Variants in ZNF789 observed in about 807,000 individuals in gnomAD.
ZNF789 encodes the protein zinc finger protein 789.
Under a neutral mutation model 15.6 loss-of-function variants are expected in ZNF789, and 11 were observed. The ratio of observed to expected loss-of-function variants is 0.70; its 90% CI spans 0.44 to 1.16. ZNF789 has a LOEUF of 1.16. ZNF789 is among the 50% of genes most tolerant of loss of function. The pLI, the probability that ZNF789 is intolerant of heterozygous loss-of-function variation, is 0.00. For missense variants in ZNF789, 461 were observed against 512.6 expected (o/e 0.90, Z 0.97); for synonymous variants, 159 against 176.0 (o/e 0.90, Z 0.76).
At position 99,481,990 on chromosome 7, in the gene ZNF789, AC is replaced by A. The variant is rs1799656583; in HGVS notation, c.152-2038del. On this transcript the variant is annotated intron_variant, in intron 3 of 4. Coordinates refer to ENST00000331410, the MANE Select transcript of ZNF789 (RefSeq NM_213603.3). Reference sequence around the variant, plus strand: ...GAATCCCTTATCCAAAATGCTGGGGACCAAAAGTGTTTTGGATTTCGGATTT... The same window carrying A: ...GAATCCCTTATCCAAAATGCTGGGGACAAAAGTGTTTTGGATTTCGGATTT... The A allele has an allele frequency of 9.8e-6, 6 of 609,272 alleles. No homozygotes were observed. The South Asian group carries it at 1.2e-4, about 12-fold the overall frequency. 37.7% of individuals were successfully genotyped at this position (609,272 alleles called of 1,614,324 possible).
Position 99,478,369 on chromosome 7 carries a change from C to T in ZNF789, c.25-1292C>T, listed in dbSNP as rs1220636060. The T allele has an allele frequency of 3.9e-6, 5 of 1,289,468 alleles. No individual in the cohort carries two copies. The East Asian group carries it at 2.8e-4, about 72-fold the overall frequency. The allele number at this position is 1,289,468 out of a possible 1,614,324, so 79.9% of individuals were successfully genotyped here. A position where few individuals can be genotyped will look rare whatever the true frequency, so the allele number is the denominator to read the frequency against. ...ACTCTGGATAATGGTGAGAAAGGGCCTGCAACCGTAGCAGTGGAACTCAGG... is the reference window on the plus strand; with the variant it reads ...ACTCTGGATAATGGTGAGAAAGGGCTTGCAACCGTAGCAGTGGAACTCAGG... On this transcript the variant is annotated intron_variant, in intron 2 of 4. Coordinates refer to ENST00000331410, the MANE Select transcript of ZNF789 (RefSeq NM_213603.3).
chr7:99,476,280 C>G, intron 1 of ZNF789, 123 bp from the exon 2 acceptor site: 1 of 596,746 alleles, frequency 1.7e-6, no homozygotes, highest in East Asian at 3.2e-5. Flanking sequence ...TGTTCCAACA[C>G]CAAACACAGG....
At chr7:99,482,934 T>C (rs1337669632) in intron 3 of ZNF789, among the ~76,000 whole-genome samples, 1 of 152,106 alleles carries the variant, frequency 6.6e-6, no homozygotes, top group Non-Finnish European at 1.5e-5. Flanking sequence ...GTTTTCCTAT[T>C]TTAATAAATA....
chr7:99,483,731 A>G, intron 3 of ZNF789: 2 of 781,062 alleles, frequency 2.6e-6, no homozygotes, highest in South Asian at 2.7e-5. Flanking sequence ...TTCCCTTTTG[A>G]TATTCAGTTT....
In ZNF789 at chr7:99,473,002, G is replaced by A; in HGVS notation, c.-109G>A. On this transcript the variant is annotated 5_prime_UTR_variant, in exon 1 of 5. Transcript: ENST00000331410. ...CGGGTCAGGCCCGGGAACCCCGAGAGGAGAGCCCAGCCCCTGGTGGAGGCG... is the reference window on the plus strand; with the variant it reads ...CGGGTCAGGCCCGGGAACCCCGAGAAGAGAGCCCAGCCCCTGGTGGAGGCG... The A allele has an allele frequency of 6.6e-6, 1 of 152,532 alleles. No homozygotes were observed. Among genetic ancestry groups the A allele is most frequent in the Non-Finnish European group, 1.5e-5 (1 of 68,188 alleles). The allele number at this position is 152,532 out of a possible 1,614,324, so 9.4% of individuals were successfully genotyped here.
In ZNF789 at chr7:99,487,410, CAT is replaced by C. The variant is rs759415358; in HGVS notation, c.1203_1204del (p.Ile401MetfsTer13). On this transcript the variant is annotated frameshift_variant, in exon 5 of 5. Transcript: ENST00000331410. LOFTEE classifies it low-confidence loss of function (END_TRUNC). ...HTGSQPYQCVICGKSFKWHTS... is the reference protein window; with the variant it reads ...HTGSQPYQCVXCGKSFKWHTS... Reference sequence around the variant, plus strand: ...CTGGAAGCCAACCCTACCAATGTGTCATATGTGGAAAATCTTTCAAGTGGCAC... The same window carrying C: ...CTGGAAGCCAACCCTACCAATGTGTCATGTGGAAAATCTTTCAAGTGGCAC... 17 of 1,614,084 alleles carry C rather than the reference CAT, an allele frequency of 1.1e-5. No homozygotes were observed. The highest frequency in any genetic ancestry group is 4.0e-5 in the African/African-American group (3 of 74,932).
chr7:99,475,310 G>A (rs1346976689), intron 1 of ZNF789, among the ~76,000 whole-genome samples: 4 of 151,900 alleles, frequency 2.6e-5, no homozygotes, highest in East Asian at 1.9e-4. Context: ...CAGGAGAATC[G>A]CTTGAACCCA....
rs75593529 is a variant in ZNF789, at chr7:99,487,480, T to C, written c.1270T>C (p.Ser424Pro). 14,876 of 1,609,296 alleles carry C rather than the reference T, an allele frequency of 9.2e-3. 75 individuals are homozygous for C. Among genetic ancestry groups the C allele is most frequent in the Middle Eastern group, 0.013 (79 of 6,042 alleles). ...KHQGTHKGQIST is the reference protein window; with the variant it reads ...KHQGTHKGQIPT ...CCAGGGCACTCACAAAGGACAGATA[T>C]CCACATGATGTTAATTGGAAAGCAG... Residue 424 changes from serine to proline, a missense_variant, in exon 5 of 5, where the codon TCC (serine) becomes CCC (proline). Ser to Pro is a moderately conservative substitution (Grantham distance 74, BLOSUM62 -1). Coordinates refer to ENST00000331410, the MANE Select transcript of ZNF789 (RefSeq NM_213603.3).
Position 99,484,050 on chromosome 7 carries a change from G to A in ZNF789, c.172G>A (p.Glu58Lys), listed in dbSNP as rs753746104. The change falls in exon 4 of 5, where the codon GAG becomes AAG. Residue 58 changes from glutamate to lysine, a missense_variant. Glu to Lys is a moderately conservative substitution (Grantham distance 56). Transcript: ENST00000331410. ...AGTAGGATTTCAGTTTCCCAAACCTGAGATGATCTGTCAGCTGGAGAACTG... is the reference window on the plus strand; with the variant it reads ...AGTAGGATTTCAGTTTCCCAAACCTAAGATGATCTGTCAGCTGGAGAACTG... Reference protein sequence around the residue: ...VLLGFQFPKPEMICQLENWDE... With the variant: ...VLLGFQFPKPKMICQLENWDE... 20 of 1,613,976 alleles carry A rather than the reference G, an allele frequency of 1.2e-5. No individual in the cohort carries two copies. The South Asian group carries it at 2.1e-4, about 17-fold the overall frequency.
intron 3 of ZNF789, chr7:99,480,858 CT>C: frequency 6.6e-6 from 1 of 152,332 alleles, no homozygotes; most frequent in East Asian, 1.9e-4. Context: ...ATGTTTAACC[CT>C]TGCACTGACA....
chr7:99,487,539 T>TC lies in ZNF789; in HGVS notation c.*52dup. ...GAACTAGAACTTATAAACCTCTACT[T>TC]CAAGTGTGTATCACGTAATTGTTTC... is the stretch of plus-strand genomic sequence containing the variant. On this transcript the variant is annotated 3_prime_UTR_variant, in exon 5 of 5. Transcript: ENST00000331410. 6.5e-7 allele frequency: 1 copy of TC among 1,546,300 alleles called. No individual in the cohort carries two copies. The highest frequency in any genetic ancestry group is 8.7e-7 in the Non-Finnish European group (1 of 1,145,672).
chr7:99,474,454 C>T (rs1392240122), intron 1 of ZNF789, among the ~76,000 whole-genome samples: 3 of 151,972 alleles, frequency 2.0e-5, no homozygotes, highest in South Asian at 2.1e-4. Context: ...ATTAGCGGGG[C>T]GTGGTGGCGG....
rs769478005 is a variant in ZNF789, at chr7:99,486,671, T to C, written c.461T>C (p.Phe154Ser). Reference protein sequence around the residue: ...PTSGDEYSRGFLQNLNLIQDQ... With the variant: ...PTSGDEYSRGSLQNLNLIQDQ... The stretch of plus-strand genomic sequence containing the variant: ...AGTGGTGATGAATACAGCAGGGGCT[T>C]CCTTCAAAACCTTAACCTTATTCAA... The change falls in exon 5 of 5, where the codon TTC becomes TCC. Residue 154 changes from phenylalanine to serine, a missense_variant. Coordinates refer to ENST00000331410, the MANE Select transcript of ZNF789 (RefSeq NM_213603.3). 3 of 1,614,202 alleles carry C rather than the reference T, an allele frequency of 1.9e-6. No homozygotes were observed. Among genetic ancestry groups the C allele is most frequent in the Non-Finnish European group, 1.7e-6 (2 of 1,180,038 alleles).
At chr7:99,486,434 C>T (rs760219796) in intron 4 of ZNF789, 42 bp from the exon 5 acceptor site, 1 of 1,551,654 alleles carries the variant, frequency 6.4e-7, no homozygotes, top group South Asian at 1.2e-5. Context: ...TTTTCTTCTG[C>T]AGTGGATAGG....
At chr7:99,473,482 A>G (rs1017833930) in intron 1 of ZNF789, among the ~76,000 whole-genome samples, 1 of 152,208 alleles carries the variant, frequency 6.6e-6, no homozygotes, top group Non-Finnish European at 1.5e-5. Flanking sequence ...GTAATTGGCC[A>G]TTATCAACTT....
At chr7:99,483,002 A>G (rs1289900766) in intron 3 of ZNF789, among the ~76,000 whole-genome samples, 3 of 150,510 alleles carry the variant, frequency 2.0e-5, no homozygotes, top group East Asian at 2.0e-4. Context: ...AGGCCGAGAC[A>G]GGTGGATCAC....
intron 2 of ZNF789, chr7:99,478,224 A>T: frequency 8.1e-7 from 1 of 1,239,830 alleles, no homozygotes; most frequent in South Asian, 1.3e-5. Flanking sequence ...TGCCACAATG[A>T]CTCTGGGAGA....
intron 1 of ZNF789, among the ~76,000 whole-genome samples, chr7:99,474,386 A>C (rs574443146): frequency 1.3e-5 from 2 of 152,164 alleles, no homozygotes; most frequent in Admixed American, 1.3e-4. Context: ...CGAGGTCAGG[A>C]GATCAAGACC....
chr7:99,485,086 C>G (rs1799857447), intron 4 of ZNF789: 3 of 1,235,168 alleles, frequency 2.4e-6, no homozygotes, highest in Non-Finnish European at 3.3e-6. Flanking sequence ...CCCCTTGATT[C>G]CACCCTCATT....
Sources: gnomAD v4.1 joint callset for allele counts (sites outside exome capture counted in the v4.1 genomes callset) on GRCh38, gnomAD v4.1.1 for gene constraint, MANE v1.5 for transcripts, NCBI Gene and HGNC (gene_info 2026-07-23, HGNC 2026-07-21) for gene names.